The following LRP6 variants were observed in gnomAD, a reference collection of about 807,000 sequenced individuals.
The protein encoded by LRP6 is LDL receptor related protein 6.
LRP6 carries 43 observed loss-of-function variants against 184.1 expected under a neutral mutation model. That is an observed-to-expected ratio of 0.23 (90% CI 0.18 to 0.30). The LOEUF is 0.30. Among genes scored for constraint, LRP6 ranks in the 10% least tolerant of loss-of-function variants. The pLI is 1.00. For synonymous variants in LRP6, 719 were observed against 684.9 expected, an observed-to-expected ratio of 1.05 and a Z score of -0.78; for missense variants, 1,571 against 2,005.3, an observed-to-expected ratio of 0.78 and a Z score of 4.14.
In LRP6 at chr12:12,203,382, G is replaced by A; in HGVS notation, c.468C>T (p.Asp156=). The change falls in exon 3 of 23, where the codon GAC becomes GAT. Residue 156 remains aspartate (D), a synonymous_variant. Coordinates refer to ENST00000261349, the MANE Select transcript of LRP6 (RefSeq NM_002336.3). ...DPSSGFMYWT[D]WGEVPKIERA... ...GTTCTATCTTTGGCACTTCTCCCCA[G>A]TCTGTCCAGTACATGAACCTAAAAA... 5.6e-6 allele frequency: 9 copies of A among 1,613,152 alleles called. No homozygotes were observed. The highest frequency in any genetic ancestry group is 7.6e-6 in the Non-Finnish European group (9 of 1,179,140).
Position 12,254,143 on chromosome 12 carries a change from CAAAAAAAAA to C in LRP6, c.56-9497_56-9489del, listed in dbSNP as rs34210761. On this transcript the variant is annotated intron_variant, in intron 1 of 22. Transcript: ENST00000261349. ...TGGGTGACAGAGTGAGACTCTGTCT[CAAAAAAAAA>C]AAAAAAAAAAAAAGAAAGAAAGAAA... Among the ~76,000 whole-genome samples the C allele has an allele frequency of 9.4e-5, 7 of 74,372 alleles. No homozygotes were observed. The East Asian group carries it at 1.5e-3, about 16-fold the overall frequency. 48.8% of individuals were successfully genotyped at this position (74,372 alleles called of 152,430 possible).
At chr12:12,198,132 T>C (rs867772715) in intron 3 of LRP6, among the ~76,000 whole-genome samples, 5 of 152,206 alleles carry the variant, frequency 3.3e-5, no homozygotes, top group Admixed American at 6.5e-5. Flanking sequence ...TTGGCCAGGA[T>C]GGTCTCACTC....
chr12:12,190,885 T>C (rs556168229), intron 3 of LRP6, among the ~76,000 whole-genome samples: 1 of 152,274 alleles, frequency 6.6e-6, no homozygotes, highest in African/African-American at 2.4e-5. Flanking sequence ...GAATCCTCCA[T>C]GTGAAAACAG....
At chr12:12,237,484 A>G (rs949263363) in intron 2 of LRP6, among the ~76,000 whole-genome samples, 1 of 152,238 alleles carries the variant, frequency 6.6e-6, no homozygotes, top group Non-Finnish European at 1.5e-5. Flanking sequence ...GAGAAACAGG[A>G]TAATTGCACA....
intron 1 of LRP6, among the ~76,000 whole-genome samples, chr12:12,265,033 T>C (rs1238353625): frequency 6.6e-6 from 1 of 152,170 alleles, no homozygotes; most frequent in Non-Finnish European, 1.5e-5. Flanking sequence ...GAAATACAAC[T>C]AGACAACCAG....
chr12:12,181,541 C>T (rs1863345605), intron 5 of LRP6, 102 bp from the exon 6 acceptor site: 1 of 726,778 alleles, frequency 1.4e-6, no homozygotes, highest in East Asian at 2.7e-5. Flanking sequence ...ATAAAATATA[C>T]ATAAATTAAC....
chr12:12,265,419 AACTC>A (rs1484791115), intron 1 of LRP6, among the ~76,000 whole-genome samples: 3 of 152,196 alleles, frequency 2.0e-5, no homozygotes, highest in East Asian at 1.9e-4. Context: ...TCCAAAAAAA[AACTC>A]AATCATTCTC....
chr12:12,246,066 G>A (rs1260128024), intron 1 of LRP6, among the ~76,000 whole-genome samples: 3 of 135,536 alleles, frequency 2.2e-5, no homozygotes, highest in East Asian at 4.3e-4. Context: ...GCAATGGCAC[G>A]ATCTCAGCTC....
At chr12:12,200,416 T>C (rs537956931) in intron 3 of LRP6, among the ~76,000 whole-genome samples, 4 of 152,114 alleles carry the variant, frequency 2.6e-5, no homozygotes, top group African/African-American at 9.7e-5. Context: ...TTTTCAAGAG[T>C]AGGATCTACC....
At chr12:12,202,820 T>A (rs1364648878) in intron 3 of LRP6, among the ~76,000 whole-genome samples, 4 of 152,194 alleles carry the variant, frequency 2.6e-5, no homozygotes, top group Admixed American at 6.5e-5. Flanking sequence ...CACTGCAGGA[T>A]GTTTAGCAAC....
rs1236972075 is a variant in LRP6 at position 12,116,617 on chromosome 12, G to C, written c.*4509C>G. ...ACAGTTCAGCAAAAGCGCGTTGTCT[G>C]TAATTCTCTGGTGTTGCTTCTGGGC... On this transcript the variant is annotated 3_prime_UTR_variant, in exon 23 of 23. Coordinates refer to ENST00000261349, the MANE Select transcript of LRP6 (RefSeq NM_002336.3). 6.6e-6 allele frequency: 1 copy of C among 152,196 alleles called. No individual in the cohort carries two copies. Among genetic ancestry groups the C allele is most frequent in the Non-Finnish European group, 1.5e-5 (1 of 68,050 alleles). The allele number at this position is 152,196 out of a possible 1,614,324, so 9.4% of individuals were successfully genotyped here.
At chr12:12,259,819 T>C (rs1865568163) in intron 1 of LRP6, among the ~76,000 whole-genome samples, 1 of 152,202 alleles carries the variant, frequency 6.6e-6, no homozygotes, top group African/African-American at 2.4e-5. Flanking sequence ...GAAGTGAGGC[T>C]TACTTTATAG....
chr12:12,259,465 G>C (rs999999167), intron 1 of LRP6, among the ~76,000 whole-genome samples: 92 of 151,988 alleles, frequency 6.1e-4, no homozygotes, highest in African/African-American at 2.1e-3. Context: ...TTCCAAGCAA[G>C]ATATTACAGA....
chr12:12,156,934 G>A (rs1347098167), intron 12 of LRP6, among the ~76,000 whole-genome samples: 1 of 152,164 alleles, frequency 6.6e-6, no homozygotes, highest in Non-Finnish European at 1.5e-5. Context: ...CCTGCTGCCT[G>A]TTTCTGTAAT....
chr12:12,196,289 C>T lies in LRP6; in HGVS notation c.647+6914G>A, dbSNP rs181344171. On this transcript the variant is annotated intron_variant, in intron 3 of 22. Transcript: ENST00000261349. The stretch of plus-strand genomic sequence containing the variant: ...AATCTGCAGGTTGCTTTGGGTAGTA[C>T]GGTCATTTTAACTATAATAATTATT... Among the ~76,000 whole-genome samples the T allele has an allele frequency of 2.8e-3, 422 of 151,476 alleles. 2 individuals are homozygous for T. The highest frequency in any genetic ancestry group is 4.4e-3 in the Non-Finnish European group (298 of 67,826).
intron 7 of LRP6, among the ~76,000 whole-genome samples, chr12:12,171,058 G>A (rs1863024490): frequency 6.6e-6 from 1 of 152,078 alleles, no homozygotes; most frequent in South Asian, 2.1e-4. Context: ...GTCTAGATCA[G>A]CCATGTACTA....
At chr12:12,153,966 G>C (rs1950116360) in intron 12 of LRP6, among the ~76,000 whole-genome samples, 1 of 152,202 alleles carries the variant, frequency 6.6e-6, no homozygotes, top group South Asian at 2.1e-4. Flanking sequence ...CTCTGTGCCA[G>C]GGGCATTGAG....
intron 3 of LRP6, among the ~76,000 whole-genome samples, chr12:12,198,209 G>A (rs1206784166): frequency 1.3e-5 from 2 of 152,112 alleles, no homozygotes; most frequent in Non-Finnish European, 2.9e-5. Context: ...GAGCCACCAT[G>A]CCCAGTCACA....
chr12:12,205,031 T>C (rs1243099687), intron 2 of LRP6, among the ~76,000 whole-genome samples: 1 of 151,280 alleles, frequency 6.6e-6, no homozygotes, highest in Non-Finnish European at 1.5e-5. Context: ...AAGCATATTT[T>C]CAAAAGTTAA....
Sources: gnomAD v4.1 joint callset for allele counts (sites outside exome capture counted in the v4.1 genomes callset) on GRCh38, gnomAD v4.1.1 for gene constraint, MANE v1.5 for transcripts, NCBI Gene and HGNC (gene_info 2026-07-23, HGNC 2026-07-21) for gene names.